Variants in CUL5 observed in about 807,000 individuals in gnomAD.
CUL5 encodes the protein cullin-5.
Under a neutral mutation model 108.8 loss-of-function variants are expected in CUL5, and 26 were observed. The observed-to-expected ratio is 0.24, with a 90% CI of 0.18 to 0.33. CUL5 has a LOEUF of 0.33. Among genes scored for constraint, CUL5 ranks in the 10% least tolerant of loss-of-function variants. The pLI is 1.00. For synonymous variants in CUL5, 334 were observed against 298.0 expected, an observed-to-expected ratio of 1.12 and a Z score of -1.25; for missense variants, 524 against 909.2, an observed-to-expected ratio of 0.58 and a Z score of 5.45.
intron 7 of CUL5, among the ~76,000 whole-genome samples, chr11:108,060,165 A>G (rs1449804550): frequency 1.3e-5 from 2 of 152,152 alleles, no homozygotes; most frequent in Non-Finnish European, 2.9e-5. Flanking sequence ...CAGGCATGGT[A>G]TCCTCTCCAC....
chr11:108,098,567 A>G, intron 18 of CUL5, 38 bp downstream of exon 18: 1 of 1,415,698 alleles, frequency 7.1e-7, no homozygotes, highest in Non-Finnish European at 9.2e-7. Context: ...GTTTAAAAAA[A>G]CTTTAGTTTT....
chr11:108,054,540 C>T (rs1293315639), intron 5 of CUL5, 107 bp from the exon 6 acceptor site: 2 of 703,060 alleles, frequency 2.8e-6, no homozygotes, highest in African/African-American at 3.6e-5. Flanking sequence ...TTCTCTTGAG[C>T]ATTGTTACCT....
chr11:108,092,961 C>T (rs1864393879), intron 13 of CUL5, among the ~76,000 whole-genome samples: 1 of 152,048 alleles, frequency 6.6e-6, no homozygotes, highest in Non-Finnish European at 1.5e-5. Context: ...GGATTACAGG[C>T]GCATGCCACC....
chr11:108,056,260 C>T (rs1863375060), intron 7 of CUL5, among the ~76,000 whole-genome samples: 1 of 152,160 alleles, frequency 6.6e-6, no homozygotes, highest in African/African-American at 2.4e-5. Flanking sequence ...TCTTTGGAGC[C>T]TTGATTTAGA....
chr11:108,075,523 T>A (rs1863921027), intron 10 of CUL5, among the ~76,000 whole-genome samples: 1 of 152,090 alleles, frequency 6.6e-6, no homozygotes, highest in African/African-American at 2.4e-5. Flanking sequence ...AATTGGAAAA[T>A]AAAAATGACA....
chr11:108,033,158 G>A (rs527294330), intron 1 of CUL5, among the ~76,000 whole-genome samples: 1 of 152,292 alleles, frequency 6.6e-6, no homozygotes, highest in South Asian at 2.1e-4. Flanking sequence ...TTCCAAATGC[G>A]AGCTTATCTT....
At chr11:108,069,221 T>A (rs1483310279) in intron 7 of CUL5, among the ~76,000 whole-genome samples, 2 of 152,242 alleles carry the variant, frequency 1.3e-5, no homozygotes, top group East Asian at 3.9e-4. Flanking sequence ...AGTAGCTATG[T>A]AGTAATGCCA....
chr11:108,101,319 G>A (rs1864659106), intron 18 of CUL5, among the ~76,000 whole-genome samples: 1 of 152,194 alleles, frequency 6.6e-6, no homozygotes, highest in Non-Finnish European at 1.5e-5. Context: ...ACAGTGTCCT[G>A]GATTCTTGCT....
At chr11:108,039,313 C>G (rs1862829589) in intron 2 of CUL5, among the ~76,000 whole-genome samples, 4 of 152,206 alleles carry the variant, frequency 2.6e-5, no homozygotes, top group African/African-American at 9.6e-5. Context: ...AGCCACTGTG[C>G]CCGGCCTGTC....
chr11:108,009,331 G>T lies in CUL5; in HGVS notation c.-18G>T, dbSNP rs773780799. ...CACGAATTCTCGCGTCGTCTCGCGA[G>T]AGTCCAAGTTAAAGAACATGGCGAC... On this transcript the variant is annotated 5_prime_UTR_variant, in exon 1 of 19. Coordinates refer to ENST00000393094, the MANE Select transcript of CUL5 (RefSeq NM_003478.6). The T allele has an allele frequency of 6.2e-7, 1 of 1,613,528 alleles. No homozygotes were observed. Among genetic ancestry groups the T allele is most frequent in the African/African-American group, 1.3e-5 (1 of 74,920 alleles).
chr11:108,090,737 G>A (rs2135229163), intron 13 of CUL5, among the ~76,000 whole-genome samples: 1 of 152,022 alleles, frequency 6.6e-6, no homozygotes, highest in Non-Finnish European at 1.5e-5. Flanking sequence ...TTTAATTTCT[G>A]TGTATGTATA....
intron 18 of CUL5, among the ~76,000 whole-genome samples, chr11:108,100,515 G>T (rs1001943297): frequency 1.3e-5 from 2 of 152,126 alleles, no homozygotes; most frequent in Non-Finnish European, 2.9e-5. Flanking sequence ...CTGCACTCCA[G>T]CTTGGGCAAT....
At chr11:108,017,186 T>G (rs186977186) in intron 1 of CUL5, among the ~76,000 whole-genome samples, 1 of 152,000 alleles carries the variant, frequency 6.6e-6, no homozygotes, top group Admixed American at 6.5e-5. Flanking sequence ...CCCAGGAATT[T>G]TAGCCCACCC....
chr11:108,089,436 A>C lies in CUL5; in HGVS notation c.1312-56A>C. 5.1e-6 allele frequency: 7 copies of C among 1,363,212 alleles called. 1 individual carries two copies. In the Middle Eastern group the frequency reaches 5.5e-4, roughly 107 times the overall value. The allele number at this position is 1,363,212 out of a possible 1,614,324, so 84.4% of individuals were successfully genotyped here. Reference sequence around the variant, plus strand: ...AATTGGTGGATATAGAAAGGTCTAAATTCGAGAGATGGTAAGAGTATATAA... The same window carrying C: ...AATTGGTGGATATAGAAAGGTCTAACTTCGAGAGATGGTAAGAGTATATAA... On this transcript the variant is annotated intron_variant, in intron 12 of 18. Transcript: ENST00000393094.
intron 1 of CUL5, among the ~76,000 whole-genome samples, chr11:108,027,876 C>T (rs1862489934): frequency 6.6e-6 from 1 of 152,162 alleles, no homozygotes; most frequent in South Asian, 2.1e-4. Flanking sequence ...TTCTGTCTTT[C>T]TGACACACTT....
chr11:108,067,945 T>C (rs1863727757), intron 7 of CUL5, among the ~76,000 whole-genome samples: 1 of 152,218 alleles, frequency 6.6e-6, no homozygotes, highest in Admixed American at 6.5e-5. Context: ...TTTCCTTTTT[T>C]GAGACGGAGT....
chr11:108,046,574 C>T (rs961072668), intron 3 of CUL5: 8 of 437,094 alleles, frequency 1.8e-5, no homozygotes, highest in Non-Finnish European at 2.8e-5. Flanking sequence ...CAAGAGAGTA[C>T]ATATTATATT....
intron 1 of CUL5, among the ~76,000 whole-genome samples, chr11:108,023,994 C>G (rs1006129739): frequency 6.6e-6 from 1 of 152,118 alleles, no homozygotes; most frequent in African/African-American, 2.4e-5. Flanking sequence ...CGTATGGTTT[C>G]TAGATAATTG....
chr11:108,102,964 T>A (rs1379500108), intron 18 of CUL5, among the ~76,000 whole-genome samples: 2 of 151,556 alleles, frequency 1.3e-5, no homozygotes, highest in Non-Finnish European at 2.9e-5. Flanking sequence ...CCTGGCTAAT[T>A]TTTGTATTTT....
Sources: allele counts gnomAD v4.1 joint callset (sites outside exome capture counted in the v4.1 genomes callset), GRCh38; gene constraint gnomAD v4.1.1; transcripts MANE v1.5; gene names NCBI Gene and HGNC (gene_info 2026-07-23, HGNC 2026-07-21).